The following IGSF5 variants were observed in gnomAD, a reference collection of about 807,000 sequenced individuals.
IGSF5 encodes immunoglobulin superfamily 5 like.
A neutral mutation model predicts 39.4 loss-of-function variants in IGSF5; 41 were observed. That is an observed-to-expected ratio of 1.04 (90% CI 0.81 to 1.35). The LOEUF (loss-of-function observed/expected upper bound fraction) is 1.35, where lower values mean the gene tolerates loss of function less well. IGSF5 is among the 40% of genes most tolerant of loss of function. IGSF5 has a pLI of 0.00. For synonymous variants in IGSF5, 183 were observed against 175.3 expected (o/e 1.04, Z -0.34); for missense variants, 487 against 494.6 (o/e 0.98, Z 0.15).
chr21:39,787,552 G>GTTTTTTTT lies in IGSF5; in HGVS notation c.935-603_935-596dup, dbSNP rs33925299. Reference sequence around the variant, plus strand: ...AAAACATTAGCAATTTAATGACAGTGTTTTTTTTTTTTTTTTTTTGGTGGG... The same window carrying GTTTTTTTT: ...AAAACATTAGCAATTTAATGACAGTGTTTTTTTTTTTTTTTTTTTTTTTTTTTGGTGGG... On this transcript the variant is annotated intron_variant, in intron 5 of 8. Coordinates refer to ENST00000380588, the MANE Select transcript of IGSF5 (RefSeq NM_001080444.2). Among the ~76,000 whole-genome samples the GTTTTTTTT allele has an allele frequency of 1.2e-3, 138 of 119,862 alleles. 2 individuals carry two copies. The highest frequency in any genetic ancestry group is 2.0e-3 in the East Asian group (8 of 3,908). The allele number at this position is 119,862 out of a possible 152,430, so 78.6% of individuals were successfully genotyped here.
chr21:39,735,862 A>T, the IGSF5 span, among the ~76,000 whole-genome samples: 1 of 152,216 alleles, frequency 6.6e-6, no homozygotes, highest in Non-Finnish European at 1.5e-5. Context: ...CCTACAGCTT[A>T]GAGTTGTAAA....
the IGSF5 span, among the ~76,000 whole-genome samples, chr21:39,724,551 T>C: frequency 6.6e-6 from 1 of 152,348 alleles, no homozygotes; most frequent in South Asian, 2.1e-4. Context: ...CTCTCTGTTT[T>C]TGCCTGCTGC....
rs1439161093 is a variant in IGSF5, at chr21:39,779,206, C to A, written c.835C>A (p.Pro279Thr). 1 of 1,614,038 alleles carries A rather than the reference C, an allele frequency of 6.2e-7. No individual in the cohort carries two copies. Among genetic ancestry groups the A allele is most frequent in the East Asian group, 2.2e-5 (1 of 44,890 alleles). ...ACTAGCAGGCACCATGCTTCTGACG[C>A]CGACGTGTACTCTTACAATACGCTG... ...LGLAGTMLLT[P>T]TCTLTIRCCC... The change falls in exon 5 of 9, where the codon CCG (proline) becomes ACG (threonine). Residue 279 changes from proline (P) to threonine (T), a missense_variant. Coordinates refer to ENST00000380588, the MANE Select transcript of IGSF5 (RefSeq NM_001080444.2).
intron 2 of IGSF5, among the ~76,000 whole-genome samples, chr21:39,762,111 T>G (rs1008658171): frequency 6.6e-6 from 1 of 152,182 alleles, no homozygotes; most frequent in Non-Finnish European, 1.5e-5. Context: ...ATCTTCCAAG[T>G]GGATAAACTC....
At chr21:39,713,082 C>T in the IGSF5 span, among the ~76,000 whole-genome samples, 2 of 152,240 alleles carry the variant, frequency 1.3e-5, no homozygotes, top group African/African-American at 4.8e-5. Context: ...GTTTACCCAT[C>T]TGCCATCTGT....
chr21:39,755,537 A>G (rs2080025084), intron 2 of IGSF5, among the ~76,000 whole-genome samples: 1 of 151,744 alleles, frequency 6.6e-6, no homozygotes, highest in East Asian at 1.9e-4. Context: ...CAGTGAGCCA[A>G]GATCGCACCA....
chr21:39,792,070 G>C lies in IGSF5; in HGVS notation c.1019G>C (p.Gly340Ala). The change falls in exon 7 of 9, where the codon GGC (glycine) becomes GCC (alanine). Residue 340 changes from glycine to alanine, a missense_variant. By Grantham distance (60) the Gly-to-Ala change is moderately conservative. Transcript: ENST00000380588. Reference protein sequence around the residue: ...TETESGNENSGYNSDEQKTTD... With the variant: ...TETESGNENSAYNSDEQKTTD... Reference sequence around the variant, plus strand: ...ACAGAAAGTGGAAATGAAAACTCCGGCTACAATTCAGATGAACAAAAGACC... The same window carrying C: ...ACAGAAAGTGGAAATGAAAACTCCGCCTACAATTCAGATGAACAAAAGACC... 6.2e-7 allele frequency: 1 copy of C among 1,610,812 alleles called. No individual in the cohort carries two copies. Among genetic ancestry groups the C allele is most frequent in the Non-Finnish European group, 8.5e-7 (1 of 1,178,348 alleles).
chr21:39,725,087 C>G, the IGSF5 span, among the ~76,000 whole-genome samples: 1 of 152,214 alleles, frequency 6.6e-6, no homozygotes, highest in Admixed American at 6.5e-5. Flanking sequence ...ATTCTGTTCT[C>G]TGCTAAATGT....
At chr21:39,732,482 G>T in the IGSF5 span, among the ~76,000 whole-genome samples, 1 of 152,152 alleles carries the variant, frequency 6.6e-6, no homozygotes, top group African/African-American at 2.4e-5. Context: ...GGACTGCAAT[G>T]GACAGAGAAT....
intron 4 of IGSF5, among the ~76,000 whole-genome samples, chr21:39,774,809 T>C (rs1287467854): frequency 6.6e-6 from 1 of 152,236 alleles, no homozygotes; most frequent in Non-Finnish European, 1.5e-5. Context: ...CCTTACTGTT[T>C]TGAGAAATGG....
At chr21:39,755,382 C>T (rs4995786) in intron 2 of IGSF5, among the ~76,000 whole-genome samples, 6,593 of 151,584 alleles carry the variant, frequency 0.043, 470 homozygotes, top group African/African-American at 0.15. Context: ...GTCAGGAGAT[C>T]GAGACCATCC....
chr21:39,734,319 A>C, the IGSF5 span, among the ~76,000 whole-genome samples: 7 of 151,596 alleles, frequency 4.6e-5, no homozygotes, highest in Non-Finnish European at 1.0e-4. Flanking sequence ...GCTGCTCGGC[A>C]GGCTGAGGCA....
intron 8 of IGSF5, among the ~76,000 whole-genome samples, chr21:39,795,908 T>C (rs756551619): frequency 6.6e-5 from 10 of 152,112 alleles, no homozygotes; most frequent in Non-Finnish European, 1.3e-4. Flanking sequence ...TTGTCTGGGC[T>C]AGAAACTAAT....
At chr21:39,767,411 A>G (rs1250740385) in intron 3 of IGSF5, among the ~76,000 whole-genome samples, 2 of 152,168 alleles carry the variant, frequency 1.3e-5, no homozygotes, top group African/African-American at 2.4e-5. Context: ...TCAGGAGTGC[A>G]GACTTGGGGC....
At chr21:39,714,822 A>G in the IGSF5 span, among the ~76,000 whole-genome samples, 1 of 152,168 alleles carries the variant, frequency 6.6e-6, no homozygotes, top group African/African-American at 2.4e-5. Flanking sequence ...TTTTCAAATA[A>G]GTTCACATTC....
intron 4 of IGSF5, among the ~76,000 whole-genome samples, chr21:39,777,883 T>C (rs910964895): frequency 2.6e-5 from 4 of 152,188 alleles, no homozygotes; most frequent in Non-Finnish European, 5.9e-5. Context: ...AGAGCTGTTT[T>C]TGAACTCCAG....
chr21:39,800,358 T>C (rs1337201055), intron 8 of IGSF5, among the ~76,000 whole-genome samples: 2 of 152,020 alleles, frequency 1.3e-5, no homozygotes, highest in South Asian at 2.1e-4. Flanking sequence ...CACCCCCTCA[T>C]TGAGACAAAC....
the IGSF5 span, among the ~76,000 whole-genome samples, chr21:39,738,677 T>A: frequency 6.6e-6 from 1 of 151,986 alleles, no homozygotes; most frequent in Non-Finnish European, 1.5e-5. This position sits in a 1 kb window ranked among gnomAD's most constrained non-coding sequence, Gnocchi z 6.4. Flanking sequence ...GGGTTTGGGC[T>A]TCTAGGGGTG....
At chr21:39,776,976 G>A (rs537810717) in intron 4 of IGSF5, among the ~76,000 whole-genome samples, 1 of 152,168 alleles carries the variant, frequency 6.6e-6, no homozygotes, top group Non-Finnish European at 1.5e-5. Flanking sequence ...CCTGTGCACT[G>A]TAGCTTACAG....
Sources: gnomAD v4.1 joint callset for allele counts (sites outside exome capture counted in the v4.1 genomes callset) on GRCh38, gnomAD v4.1.1 for gene constraint, Gnocchi (gnomAD v3.1) non-coding constraint, MANE v1.5 for transcripts, NCBI Gene and HGNC (gene_info 2026-07-23, HGNC 2026-07-21) for gene names.